The following ADGRB3 variants were observed in gnomAD, a reference collection of about 807,000 sequenced individuals.
ADGRB3 encodes adhesion G protein-coupled receptor B3.
Under a neutral mutation model 193.4 loss-of-function variants are expected in ADGRB3, and 37 were observed. That is an observed-to-expected ratio of 0.19 (90% CI 0.15 to 0.25). ADGRB3 has a LOEUF of 0.25. Ranked by LOEUF, ADGRB3 falls within the 10% of genes least tolerant of loss-of-function variation. ADGRB3 has a pLI of 1.00. For synonymous variants in ADGRB3, 690 were observed against 644.2 expected, an observed-to-expected ratio of 1.07 and a Z score of -1.08; for missense variants, 1,637 against 1,852.9, an observed-to-expected ratio of 0.88 and a Z score of 2.14.
At chr6:69,184,084 G>C (rs1268711483) in intron 17 of ADGRB3, among the ~76,000 whole-genome samples, 4 of 152,106 alleles carry the variant, frequency 2.6e-5, no homozygotes, top group African/African-American at 9.7e-5. Context: ...TAACAAGGCT[G>C]GTGGCCATGA....
chr6:68,772,153 T>C (rs749565327), intron 3 of ADGRB3, among the ~76,000 whole-genome samples: 6 of 151,758 alleles, frequency 4.0e-5, no homozygotes, highest in Non-Finnish European at 7.4e-5. Context: ...GTAGTGAGAT[T>C]GAAATGGAGA....
At chr6:68,974,922 C>A in intron 9 of ADGRB3, 58 bp downstream of exon 9, 2 of 1,423,702 alleles carry the variant, frequency 1.4e-6, no homozygotes, top group Non-Finnish European at 2.0e-6. Context: ...GAACAGCATG[C>A]AGTGTTGGTT....
chr6:68,852,264 G>A (rs1768418749), intron 3 of ADGRB3, among the ~76,000 whole-genome samples: 1 of 151,766 alleles, frequency 6.6e-6, no homozygotes, highest in Admixed American at 6.6e-5. Flanking sequence ...AAAGATTTAT[G>A]CTTCATGTCT....
chr6:68,842,817 TTCA>T, intron 3 of ADGRB3, among the ~76,000 whole-genome samples: 1 of 152,060 alleles, frequency 6.6e-6, no homozygotes, highest in East Asian at 1.9e-4. Flanking sequence ...AGAAAGATCA[TTCA>T]TCATCACCAA....
intron 15 of ADGRB3, among the ~76,000 whole-genome samples, chr6:69,059,073 A>G (rs922481914): frequency 6.6e-6 from 1 of 152,046 alleles, no homozygotes; most frequent in Non-Finnish European, 1.5e-5. Context: ...ATATCCCATT[A>G]TATTGTTACT....
chr6:69,028,730 A>G (rs1291048115), intron 13 of ADGRB3, among the ~76,000 whole-genome samples: 1 of 152,202 alleles, frequency 6.6e-6, no homozygotes, highest in East Asian at 1.9e-4. Context: ...TGAGTAACCC[A>G]AATGCTCTAA....
At chr6:68,663,482 A>C (rs1768719775) in intron 3 of ADGRB3, among the ~76,000 whole-genome samples, 1 of 151,750 alleles carries the variant, frequency 6.6e-6, no homozygotes, top group African/African-American at 2.4e-5. Context: ...GAATTTATGC[A>C]ACCAATTTTG....
chr6:69,092,917 A>G (rs1024096925), intron 17 of ADGRB3, among the ~76,000 whole-genome samples: 1 of 151,868 alleles, frequency 6.6e-6, no homozygotes, highest in East Asian at 1.9e-4. Context: ...AAAGGAGCCA[A>G]TGTTTGGTGG....
intron 26 of ADGRB3, among the ~76,000 whole-genome samples, chr6:69,352,041 G>A (rs1346078004): frequency 6.6e-6 from 1 of 152,096 alleles, no homozygotes; most frequent in Non-Finnish European, 1.5e-5. Context: ...TTGCCTTGAG[G>A]TGCAAACAGA....
At chr6:69,317,564 C>G (rs1337107236) in intron 20 of ADGRB3, among the ~76,000 whole-genome samples, 1 of 151,392 alleles carries the variant, frequency 6.6e-6, no homozygotes. Flanking sequence ...CGTAAGCCTT[C>G]TGTTTCTGGT....
intron 28 of ADGRB3, 132 bp from the exon 29 acceptor site, chr6:69,360,737 A>AT (rs35369333): frequency 3.2e-5 from 30 of 929,176 alleles, no homozygotes; most frequent in South Asian, 7.7e-5. Flanking sequence ...ATTGATATGT[A>AT]TTTTTTTTAA....
Position 68,947,165 on chromosome 6 carries a change from A to G in ADGRB3, c.1195+3171A>G, listed in dbSNP as rs1036754214. On this transcript the variant is annotated intron_variant, in intron 6 of 31. Transcript: ENST00000370598. ...AAAAGGAATTTCCTGGCTCATAAAC[A>G]TAACGTGGTCTATTCCTTCTTTTGT... Among the ~76,000 whole-genome samples the G allele has an allele frequency of 1.3e-4, 20 of 152,104 alleles. 1 individual carries two copies. The highest frequency in any genetic ancestry group is 8.5e-4 in the Admixed American group (13 of 15,248).
At chr6:69,315,035 A>G (rs1430686222) in intron 20 of ADGRB3, among the ~76,000 whole-genome samples, 1 of 151,526 alleles carries the variant, frequency 6.6e-6, no homozygotes, top group African/African-American at 2.4e-5. Flanking sequence ...TGGTGATTTG[A>G]ACAATAAAGG....
chr6:68,938,322 C>A (rs191442772), intron 5 of ADGRB3, among the ~76,000 whole-genome samples: 1 of 151,688 alleles, frequency 6.6e-6, no homozygotes, highest in African/African-American at 2.4e-5. Flanking sequence ...ATTCTAGGTA[C>A]ATTTGGCAAC....
chr6:68,907,682 C>G (rs1473898294), intron 3 of ADGRB3, among the ~76,000 whole-genome samples: 1 of 151,854 alleles, frequency 6.6e-6, no homozygotes, highest in African/African-American at 2.4e-5. Context: ...TGAATGGACC[C>G]TGTTTTTAGT....
chr6:68,764,195 T>A (rs930251311), intron 3 of ADGRB3, among the ~76,000 whole-genome samples: 1 of 152,188 alleles, frequency 6.6e-6, no homozygotes, highest in Non-Finnish European at 1.5e-5. Context: ...CTTGCCAAGA[T>A]CTGGTTCTAT....
At chr6:69,090,353 C>A (rs1236209657) in intron 17 of ADGRB3, among the ~76,000 whole-genome samples, 2 of 152,120 alleles carry the variant, frequency 1.3e-5, no homozygotes, top group Non-Finnish European at 2.9e-5. Flanking sequence ...CCTGTGCATA[C>A]CAAAATGATG....
chr6:69,366,958 A>G (rs1769583727), intron 29 of ADGRB3, among the ~76,000 whole-genome samples: 3 of 152,154 alleles, frequency 2.0e-5, no homozygotes, highest in Admixed American at 6.6e-5. Context: ...CCTATGGCAG[A>G]GACAGACAAC....
chr6:69,034,877 T>C (rs1770821638), intron 13 of ADGRB3, among the ~76,000 whole-genome samples: 4 of 151,940 alleles, frequency 2.6e-5, no homozygotes, highest in East Asian at 1.9e-4. Flanking sequence ...AATTTGATCA[T>C]AGAGTGTGTG....
Sources: gnomAD v4.1 joint callset for allele counts (sites outside exome capture counted in the v4.1 genomes callset) on GRCh38, gnomAD v4.1.1 for gene constraint, MANE v1.5 for transcripts, NCBI Gene and HGNC (gene_info 2026-07-23, HGNC 2026-07-21) for gene names.